HECW2: variants seen among roughly 807,000 people sequenced by gnomAD.
HECW2 encodes HECT, C2 and WW domain containing E3 ubiquitin protein ligase 2.
In HECW2, 61 loss-of-function variants were observed where a neutral mutation model predicts 175.2. That is an observed-to-expected ratio of 0.35 (90% CI 0.28 to 0.43). HECW2 has a LOEUF of 0.43. HECW2 is among the 20% of genes least tolerant of loss of function. The probability of loss-of-function intolerance (pLI) is 1.00; values close to 1 mark genes in which losing one functional copy is unlikely to be tolerated. For synonymous variants in HECW2, 671 were observed against 731.0 expected, an observed-to-expected ratio of 0.92 and a Z score of 1.32; for missense variants, 1,524 against 2,000.5, an observed-to-expected ratio of 0.76 and a Z score of 4.54.
chr2:196,446,236 A>G (rs546628008), intron 1 of HECW2, among the ~76,000 whole-genome samples: 1 of 152,256 alleles, frequency 6.6e-6, no homozygotes, highest in South Asian at 2.1e-4. Context: ...TCTTCTCTTC[A>G]GTATGCACAT....
intron 1 of HECW2, among the ~76,000 whole-genome samples, chr2:196,476,661 C>A (rs1211676640): frequency 6.6e-6 from 1 of 151,942 alleles, no homozygotes; most frequent in African/African-American, 2.4e-5. Context: ...AAACATCTAA[C>A]AATCTAAAAA....
intron 6 of HECW2, among the ~76,000 whole-genome samples, chr2:196,324,704 A>T (rs1281482104): frequency 6.6e-6 from 1 of 152,038 alleles, no homozygotes; most frequent in Non-Finnish European, 1.5e-5. Context: ...TTTTTGCATT[A>T]ATTGTGAGTT....
intron 1 of HECW2, among the ~76,000 whole-genome samples, chr2:196,464,470 G>A (rs189320729): frequency 6.6e-6 from 1 of 152,238 alleles, no homozygotes; most frequent in Admixed American, 6.5e-5. Context: ...CAGGTTTTTG[G>A]TGACTAAGCT....
At chr2:196,373,052 TA>T (rs1693951155) in intron 2 of HECW2, among the ~76,000 whole-genome samples, 1 of 152,198 alleles carries the variant, frequency 6.6e-6, no homozygotes, top group Non-Finnish European at 1.5e-5. Flanking sequence ...CTTGCTGCAG[TA>T]AAAGCTCAGA....
At chr2:196,450,749 G>C (rs528133372) in intron 1 of HECW2, among the ~76,000 whole-genome samples, 6 of 152,084 alleles carry the variant, frequency 3.9e-5, no homozygotes, top group African/African-American at 1.4e-4. Flanking sequence ...CCAAACTGCT[G>C]GGATTACAGA....
At chr2:196,375,514 G>C (rs1347447454) in intron 2 of HECW2, among the ~76,000 whole-genome samples, 1 of 152,226 alleles carries the variant, frequency 6.6e-6, no homozygotes, top group Non-Finnish European at 1.5e-5. Flanking sequence ...AGTTTGGGAA[G>C]TATGTTTTTA....
In HECW2 at chr2:196,199,685, A is replaced by AC. The variant is rs1045372092; in HGVS notation, c.*1591dup. The AC allele has an allele frequency of 6.6e-5, 10 of 152,364 alleles. No homozygotes were observed. The highest frequency in any genetic ancestry group is 2.4e-4 in the African/African-American group (10 of 41,560). 9.4% of individuals were successfully genotyped at this position (152,364 alleles called of 1,614,324 possible). A position where few individuals can be genotyped will look rare whatever the true frequency, so the allele number is the denominator to read the frequency against. On this transcript the variant is annotated 3_prime_UTR_variant, in exon 29 of 29. Coordinates refer to ENST00000644978, the MANE Select transcript of HECW2 (RefSeq NM_001348768.2). Reference sequence around the variant, plus strand: ...CATATGTCAATCCAATGCTTTTATGACCCCCAATTTAACTTCACTCTATTG... The same window carrying AC: ...CATATGTCAATCCAATGCTTTTATGACCCCCCAATTTAACTTCACTCTATTG...
chr2:196,222,979 C>T (rs1408764322), intron 23 of HECW2, among the ~76,000 whole-genome samples: 1 of 152,054 alleles, frequency 6.6e-6, no homozygotes, highest in Non-Finnish European at 1.5e-5. Context: ...AGGTAAGTTA[C>T]TGTTCCATGG....
chr2:196,359,195 A>C (rs1693495177), intron 2 of HECW2, among the ~76,000 whole-genome samples: 1 of 152,152 alleles, frequency 6.6e-6, no homozygotes, highest in Non-Finnish European at 1.5e-5. Context: ...CATGCCTGTA[A>C]TCCCAGCATG....
intron 2 of HECW2, among the ~76,000 whole-genome samples, chr2:196,427,135 T>G (rs1290008979): frequency 3.0e-5 from 1 of 33,704 alleles, no homozygotes; most frequent in East Asian, 3.8e-3. Flanking sequence ...ATCAAGAAAC[T>G]TCAGATGATT....
chr2:196,455,707 C>G (rs1696488778), intron 1 of HECW2, among the ~76,000 whole-genome samples: 1 of 151,886 alleles, frequency 6.6e-6, no homozygotes, highest in Non-Finnish European at 1.5e-5. Context: ...CTAAATTGAA[C>G]ACATACTTTT....
chr2:196,500,475 G>A (rs1687541915), intron 1 of HECW2, among the ~76,000 whole-genome samples: 1 of 152,110 alleles, frequency 6.6e-6, no homozygotes, highest in Non-Finnish European at 1.5e-5. Context: ...AGAAAAAAAA[G>A]AGTAAATGCT....
Position 196,240,457 on chromosome 2 carries a change from C to A in HECW2, c.3756G>T (p.Gly1252=). ...QRNKLYVTFV[G]EEGLDYSGPS... is the part of the protein sequence containing the mutation. ...TTCTCTGTTCTACTCACCCTTCCTC[C>A]CCAACGAAGGTGACATATAGCTTAT... Residue 1252 remains glycine, a synonymous_variant, in exon 21 of 29, where the codon GGG becomes GGT. Transcript: ENST00000644978. The A allele has an allele frequency of 1.9e-6, 3 of 1,607,098 alleles. No individual in the cohort carries two copies. Among genetic ancestry groups the A allele is most frequent in the Non-Finnish European group, 2.5e-6 (3 of 1,176,742 alleles).
At chr2:196,275,630 T>A (rs1338224456) in intron 15 of HECW2, among the ~76,000 whole-genome samples, 1 of 152,086 alleles carries the variant, frequency 6.6e-6, no homozygotes, top group South Asian at 2.1e-4. Flanking sequence ...CAGGTGCCTG[T>A]AGTCCCAGCT....
At chr2:196,289,857 C>A (rs1690540685) in intron 14 of HECW2, 1 of 152,148 alleles carries the variant, frequency 6.6e-6, no homozygotes, top group Admixed American at 6.6e-5. Flanking sequence ...GCACCAGCCT[C>A]CCTGAATGCT....
chr2:196,559,434 T>C (rs1243131967), intron 1 of HECW2, among the ~76,000 whole-genome samples: 1 of 152,194 alleles, frequency 6.6e-6, no homozygotes, highest in Non-Finnish European at 1.5e-5. Context: ...CCCTGATATA[T>C]ATCAAGCTGC....
chr2:196,477,668 A>G (rs1686694367), intron 1 of HECW2, among the ~76,000 whole-genome samples: 1 of 152,238 alleles, frequency 6.6e-6, no homozygotes, highest in South Asian at 2.1e-4. Context: ...TAAAACTGAC[A>G]GAAACATTCC....
intron 19 of HECW2, among the ~76,000 whole-genome samples, chr2:196,250,632 C>A (rs1688819666): frequency 6.6e-6 from 1 of 152,110 alleles, no homozygotes; most frequent in South Asian, 2.1e-4. Flanking sequence ...CCTGTAGTGT[C>A]ATACACTTCT....
intron 2 of HECW2, among the ~76,000 whole-genome samples, chr2:196,424,192 A>C (rs1695481606): frequency 6.6e-6 from 1 of 152,000 alleles, no homozygotes; most frequent in Non-Finnish European, 1.5e-5. Flanking sequence ...GGCACCATGA[A>C]CTGTGCCCAA....
Sources: allele counts gnomAD v4.1 joint callset (sites outside exome capture counted in the v4.1 genomes callset), GRCh38; gene constraint gnomAD v4.1.1; transcripts MANE v1.5; gene names NCBI Gene and HGNC (gene_info 2026-07-23, HGNC 2026-07-21).